CADPS2: variants seen among roughly 807,000 people sequenced by gnomAD.
CADPS2 encodes the protein calcium-dependent secretion activator 2.
A neutral mutation model predicts 172.5 loss-of-function variants in CADPS2; 93 were observed. The observed-to-expected ratio is 0.54, with a 90% CI of 0.46 to 0.64. CADPS2 has a LOEUF of 0.64. CADPS2 is among the 30% of genes least tolerant of loss of function. The probability of loss-of-function intolerance (pLI) is 0.00; values close to 1 mark genes in which losing one functional copy is unlikely to be tolerated. For missense variants in CADPS2, 1,420 were observed against 1,565.9 expected (o/e 0.91, Z 1.57); for synonymous variants, 546 against 555.2 (o/e 0.98, Z 0.23).
intron 7 of CADPS2, among the ~76,000 whole-genome samples, chr7:122,580,742 G>A (rs894386051): frequency 6.6e-6 from 1 of 152,170 alleles, no homozygotes; most frequent in African/African-American, 2.4e-5. Context: ...AAAGATAAGA[G>A]AGACAGATGC....
At chr7:122,338,246 C>T (rs2036205925) in intron 28 of CADPS2, among the ~76,000 whole-genome samples, 1 of 152,086 alleles carries the variant, frequency 6.6e-6, no homozygotes, top group Non-Finnish European at 1.5e-5. Context: ...AAGTACAAAA[C>T]ATTAGCCAGG....
intron 1 of CADPS2, among the ~76,000 whole-genome samples, chr7:122,798,650 T>C (rs1035729028): frequency 6.6e-6 from 1 of 152,286 alleles, no homozygotes; most frequent in African/African-American, 2.4e-5. Flanking sequence ...AACTCTACCA[T>C]TGCCTCCATC....
intron 6 of CADPS2, among the ~76,000 whole-genome samples, chr7:122,594,889 T>C (rs1297792137): frequency 6.6e-6 from 1 of 151,810 alleles, no homozygotes; most frequent in African/African-American, 2.4e-5. Context: ...AAAACTTACA[T>C]ATAGGAAAGA....
At chr7:122,626,234 T>C (rs528321377) in intron 4 of CADPS2, among the ~76,000 whole-genome samples, 14 of 152,270 alleles carry the variant, frequency 9.2e-5, no homozygotes, top group African/African-American at 3.4e-4. Context: ...AGAACATCAC[T>C]GGCTGTTGTG....
intron 27 of CADPS2, chr7:122,354,427 C>A (rs987222747): frequency 6.6e-6 from 1 of 152,074 alleles, no homozygotes; most frequent in East Asian, 1.9e-4. Context: ...GTAAGTAACC[C>A]CCCTGTTATG....
At chr7:122,685,905 G>T (rs920635967) in intron 2 of CADPS2, among the ~76,000 whole-genome samples, 2 of 152,142 alleles carry the variant, frequency 1.3e-5, no homozygotes, top group Non-Finnish European at 2.9e-5. Flanking sequence ...CAAACCTTTG[G>T]AGGGCCTACA....
intron 1 of CADPS2, among the ~76,000 whole-genome samples, chr7:122,834,299 A>G (rs1807549448): frequency 6.6e-6 from 1 of 152,186 alleles, no homozygotes; most frequent in African/African-American, 2.4e-5. Context: ...AAATAAGAAA[A>G]AGAAGAGCCA....
intron 1 of CADPS2, among the ~76,000 whole-genome samples, chr7:122,758,932 G>A (rs73719766): frequency 0.018 from 2,677 of 151,058 alleles, 78 homozygotes; most frequent in African/African-American, 0.062. Context: ...TAAAGCATAC[G>A]TTTGTTTAGA....
At chr7:122,571,311 G>C (rs2067224149) in intron 7 of CADPS2, among the ~76,000 whole-genome samples, 1 of 152,038 alleles carries the variant, frequency 6.6e-6, no homozygotes, top group Non-Finnish European at 1.5e-5. Context: ...CCTATTAGAA[G>C]GCATTAGTAC....
At chr7:122,751,118 A>G (rs771758834) in intron 1 of CADPS2, among the ~76,000 whole-genome samples, 2 of 152,172 alleles carry the variant, frequency 1.3e-5, no homozygotes, top group Non-Finnish European at 2.9e-5. Context: ...ATTATGAATC[A>G]TATTTTAAGA....
chr7:122,468,165 T>C (rs117189513), intron 14 of CADPS2, among the ~76,000 whole-genome samples: 29 of 152,222 alleles, frequency 1.9e-4, no homozygotes, highest in Non-Finnish European at 2.5e-4. Flanking sequence ...CTTCAGTCAA[T>C]AACAAAAGGA....
intron 1 of CADPS2, among the ~76,000 whole-genome samples, chr7:122,742,787 G>C (rs191123395): frequency 8.0e-4 from 122 of 152,244 alleles, no homozygotes; most frequent in African/African-American, 2.8e-3. Flanking sequence ...TTGGAATTCT[G>C]ATTCCTTCAC....
chr7:122,860,889 T>C (rs1452176593), intron 1 of CADPS2, among the ~76,000 whole-genome samples: 4 of 152,198 alleles, frequency 2.6e-5, no homozygotes. Flanking sequence ...GGTTCATCCA[T>C]GTTGTCACAA....
chr7:122,658,342 A>T (rs578127420), intron 3 of CADPS2, among the ~76,000 whole-genome samples: 1 of 144,984 alleles, frequency 6.9e-6, no homozygotes, highest in Non-Finnish European at 1.5e-5. Context: ...CAATTCCTCA[A>T]GGATCTAGAA....
intron 18 of CADPS2, among the ~76,000 whole-genome samples, chr7:122,415,420 G>T (rs1585794893): frequency 6.6e-6 from 1 of 152,038 alleles, no homozygotes; most frequent in Non-Finnish European, 1.5e-5. Context: ...GGCAGTGCAG[G>T]CTGATTAATT....
chr7:122,874,777 G>A (rs1436938274), intron 1 of CADPS2, among the ~76,000 whole-genome samples: 3 of 152,118 alleles, frequency 2.0e-5, no homozygotes, highest in Non-Finnish European at 2.9e-5. Context: ...AACAAGCAAT[G>A]GAGAAAGGAT....
At chr7:122,607,587 G>A (rs1349562120) in intron 6 of CADPS2, among the ~76,000 whole-genome samples, 2 of 152,132 alleles carry the variant, frequency 1.3e-5, no homozygotes, top group Admixed American at 6.6e-5. Flanking sequence ...TTCTCATGCT[G>A]TTTTTCACTG....
chr7:122,426,623 C>A (rs192384780), intron 17 of CADPS2, among the ~76,000 whole-genome samples: 14 of 152,294 alleles, frequency 9.2e-5, no homozygotes, highest in Non-Finnish European at 1.8e-4. Flanking sequence ...AGGTAGAAAC[C>A]TGTCAGTTTT....
chr7:122,844,548 A>G (rs1042030027), intron 1 of CADPS2, among the ~76,000 whole-genome samples: 1 of 152,264 alleles, frequency 6.6e-6, no homozygotes, highest in Admixed American at 6.5e-5. Flanking sequence ...GTTTTATCAC[A>G]TTAATGCACA....
Sources: allele counts gnomAD v4.1 joint callset (sites outside exome capture counted in the v4.1 genomes callset), GRCh38; gene constraint gnomAD v4.1.1; transcripts MANE v1.5; gene names NCBI Gene and HGNC (gene_info 2026-07-23, HGNC 2026-07-21).